Variants in GRK5 observed in about 807,000 individuals in gnomAD.
GRK5 encodes g protein-coupled receptor kinase GRK5.
Under a neutral mutation model 78.4 loss-of-function variants are expected in GRK5, and 40 were observed. The ratio of observed to expected loss-of-function variants is 0.51; its 90% confidence interval spans 0.40 to 0.66. The LOEUF is 0.66. Among genes scored for constraint, GRK5 ranks in the 30% least tolerant of loss-of-function variants. GRK5 has a pLI of 0.00. For missense variants in GRK5, 598 were observed against 759.9 expected, an observed-to-expected ratio of 0.79 and a Z score of 2.50; for synonymous variants, 289 against 296.8, an observed-to-expected ratio of 0.97 and a Z score of 0.27.
chr10:119,230,519 C>T (rs1181839412), intron 1 of GRK5, among the ~76,000 whole-genome samples: 1 of 152,078 alleles, frequency 6.6e-6, no homozygotes, highest in Non-Finnish European at 1.5e-5. Flanking sequence ...CTTATAATAA[C>T]TGTCAGATCT....
At chr10:119,246,418 A>T (rs1440300898) in intron 1 of GRK5, among the ~76,000 whole-genome samples, 1 of 152,058 alleles carries the variant, frequency 6.6e-6, no homozygotes, top group Non-Finnish European at 1.5e-5. Context: ...GAATCCATGG[A>T]TGTGGAACCT....
Position 119,412,386 on chromosome 10 carries a change from G to A in GRK5, c.340-10780G>A, listed in dbSNP as rs535693853. On this transcript the variant is annotated intron_variant, in intron 4 of 15. Transcript: ENST00000392870. The surrounding 1 kb of genome is among the most constrained non-coding windows in gnomAD (Gnocchi z 4.3). ...ACGAGGACACCCCGGTGAAGAGCTGGGCGTGCTTGGGCCGAGGGCTGCTGG... is the reference window on the plus strand; with the variant it reads ...ACGAGGACACCCCGGTGAAGAGCTGAGCGTGCTTGGGCCGAGGGCTGCTGG... 1.8e-4 allele frequency among the ~76,000 whole-genome samples: 27 copies of A among 152,322 alleles called. No homozygotes were observed. Among genetic ancestry groups the A allele is most frequent in the Non-Finnish European group, 3.5e-4 (24 of 68,026 alleles).
intron 2 of GRK5, among the ~76,000 whole-genome samples, chr10:119,342,340 C>T (rs1415992457): frequency 6.6e-6 from 1 of 152,230 alleles, no homozygotes; most frequent in Non-Finnish European, 1.5e-5. Context: ...ACATGAGCTC[C>T]AGTGTCAGAG....
intron 2 of GRK5, among the ~76,000 whole-genome samples, chr10:119,353,545 G>C (rs1327679648): frequency 6.6e-6 from 1 of 152,132 alleles, no homozygotes; most frequent in Non-Finnish European, 1.5e-5. Context: ...ATATTCTTTG[G>C]TGAAAGCTCT....
chr10:119,245,156 T>A (rs1431853960), intron 1 of GRK5, among the ~76,000 whole-genome samples: 1 of 152,156 alleles, frequency 6.6e-6, no homozygotes, highest in African/African-American at 2.4e-5. Context: ...CGTGTGCCTG[T>A]AGTCCCAGGT....
At chr10:119,228,616 G>A (rs1848779526) in intron 1 of GRK5, among the ~76,000 whole-genome samples, 1 of 152,156 alleles carries the variant, frequency 6.6e-6, no homozygotes, top group Non-Finnish European at 1.5e-5. Context: ...GTGAGACCAT[G>A]TCTCTGAGAA....
At chr10:119,399,961 C>T (rs532219302) in intron 4 of GRK5, among the ~76,000 whole-genome samples, 1 of 152,328 alleles carries the variant, frequency 6.6e-6, no homozygotes, top group South Asian at 2.1e-4. Context: ...TATGAAGGCG[C>T]TGTCCCCTAC....
At chr10:119,314,899 C>T (rs1024544355) in intron 1 of GRK5, among the ~76,000 whole-genome samples, 9 of 152,126 alleles carry the variant, frequency 5.9e-5, no homozygotes, top group African/African-American at 2.2e-4. Flanking sequence ...GAAGGTGCAC[C>T]GAGTCAGGGA....
At chr10:119,241,303 C>T (rs1469047218) in intron 1 of GRK5, among the ~76,000 whole-genome samples, 4 of 152,158 alleles carry the variant, frequency 2.6e-5, no homozygotes, top group South Asian at 2.1e-4. Context: ...CGGTTTCCTA[C>T]GGGCAAAAGG....
In GRK5 at chr10:119,262,729, G is replaced by T. The variant is rs530259629; in HGVS notation, c.52+54760G>T. Among the ~76,000 whole-genome samples the T allele has an allele frequency of 4.6e-5, 7 of 152,290 alleles. No individual in the cohort carries two copies. The South Asian group carries it at 6.2e-4, about 14-fold the overall frequency. On this transcript the variant is annotated intron_variant, in intron 1 of 15. Coordinates refer to ENST00000392870, the MANE Select transcript of GRK5 (RefSeq NM_005308.3). ...GATTATTTTGGAATCATTATAATGG[G>T]ATGGAGCTTCGAGTAGCATTGGACA...
chr10:119,430,242 T>TG lies in GRK5; in HGVS notation c.534-127dup, dbSNP rs1001483737. ...AGGTCCAGTCTCCAGCGATGATTCC[T>TG]GGGGGGTCCCTGGGGCTGCTGTGGG... On this transcript the variant is annotated intron_variant, in intron 6 of 15. Coordinates refer to ENST00000392870, the MANE Select transcript of GRK5 (RefSeq NM_005308.3). The surrounding 1 kb of genome is among the most constrained non-coding windows in gnomAD (Gnocchi z 4.5). 2 of 768,924 alleles carry TG rather than the reference T, an allele frequency of 2.6e-6. No homozygotes were observed. The highest frequency in any genetic ancestry group is 1.5e-5 in the South Asian group (1 of 67,352). 47.6% of individuals were successfully genotyped at this position (768,924 alleles called of 1,614,324 possible).
chr10:119,362,020 G>A (rs1415117626), intron 2 of GRK5, among the ~76,000 whole-genome samples: 2 of 149,854 alleles, frequency 1.3e-5, no homozygotes, highest in Non-Finnish European at 3.0e-5. Context: ...ACCTTAGGAA[G>A]TGTGCTCACC....
intron 2 of GRK5, among the ~76,000 whole-genome samples, chr10:119,353,546 T>G (rs1851217098): frequency 6.6e-6 from 1 of 152,180 alleles, no homozygotes; most frequent in Non-Finnish European, 1.5e-5. Context: ...TATTCTTTGG[T>G]GAAAGCTCTA....
At position 119,369,204 on chromosome 10, in the gene GRK5, T is replaced by G. The variant is rs1395002656; in HGVS notation, c.149-11611T>G. On this transcript the variant is annotated intron_variant, in intron 2 of 15. Transcript: ENST00000392870. The stretch of plus-strand genomic sequence containing the variant: ...CTGGGTGTGGCCTAGGAGTTTCACT[T>G]TCTAAAACTGCATGTATCTGGATGA... 2.0e-5 allele frequency among the ~76,000 whole-genome samples: 3 copies of G among 152,158 alleles called. No individual in the cohort carries two copies. In the East Asian group the frequency reaches 5.8e-4, roughly 29 times the overall value.
chr10:119,324,954 G>A (rs1172953255), intron 1 of GRK5, among the ~76,000 whole-genome samples: 2 of 152,366 alleles, frequency 1.3e-5, no homozygotes, highest in African/African-American at 4.8e-5. Context: ...GGCCTTGGCC[G>A]TCTGTGGAGA....
intron 1 of GRK5, among the ~76,000 whole-genome samples, chr10:119,284,669 A>T (rs1589721346): frequency 2.6e-5 from 4 of 152,246 alleles, no homozygotes; most frequent in African/African-American, 9.6e-5. Context: ...GTGGGTGAAT[A>T]TTGGGAGTTG....
In GRK5 at chr10:119,378,054, G is replaced by A. The variant is rs1379639617; in HGVS notation, c.149-2761G>A. 6.5e-6 allele frequency: 1 copy of A among 154,400 alleles called. No individual in the cohort carries two copies. The highest frequency in any genetic ancestry group is 1.5e-5 in the Non-Finnish European group (1 of 68,232). The allele number at this position is 154,400 out of a possible 1,614,324, so 9.6% of individuals were successfully genotyped here. A position where few individuals can be genotyped will look rare whatever the true frequency, so the allele number is the denominator to read the frequency against. ...GACCTGTCACAGGCCGCTGAGACCA[G>A]GTTCCCTACTGTGGCTGATGATCAC... is the stretch of plus-strand genomic sequence containing the variant. On this transcript the variant is annotated intron_variant, in intron 2 of 15. Coordinates refer to ENST00000392870, the MANE Select transcript of GRK5 (RefSeq NM_005308.3). This position sits in a 1 kb window ranked among gnomAD's most constrained non-coding sequence, Gnocchi z 4.5.
intron 2 of GRK5, among the ~76,000 whole-genome samples, chr10:119,333,014 A>G (rs1850809544): frequency 6.6e-6 from 1 of 152,160 alleles, no homozygotes; most frequent in Admixed American, 6.5e-5. Flanking sequence ...TGTCTCCCAC[A>G]CTGTACTAGA....
intron 3 of GRK5, among the ~76,000 whole-genome samples, chr10:119,388,684 C>CT (rs1327666011): frequency 1.3e-5 from 2 of 152,190 alleles, no homozygotes; most frequent in Non-Finnish European, 2.9e-5. Context: ...AACAGTCAAC[C>CT]TTTATTAGGT....
Sources: allele counts gnomAD v4.1 joint callset (sites outside exome capture counted in the v4.1 genomes callset), GRCh38; gene constraint gnomAD v4.1.1; non-coding constraint Gnocchi (gnomAD v3.1); transcripts MANE v1.5; gene names NCBI Gene and HGNC (gene_info 2026-07-23, HGNC 2026-07-21).